PCDHGA4: variants seen among roughly 807,000 people sequenced by gnomAD.
PCDHGA4 encodes the protein protocadherin gamma subfamily A, 4.
In PCDHGA4, 38 loss-of-function variants were observed where a neutral mutation model predicts 54.6. The observed-to-expected ratio is 0.70, with a 90% CI of 0.54 to 0.91. The LOEUF (loss-of-function observed/expected upper bound fraction) is 0.91, where lower values mean the gene tolerates loss of function less well. PCDHGA4 is among the 40% of genes least tolerant of loss of function. PCDHGA4 has a pLI of 0.00. For missense variants in PCDHGA4, 1,298 were observed against 1,220.9 expected (o/e 1.06, Z -0.94); for synonymous variants, 511 against 512.9 (o/e 1.00, Z 0.05).
intron 1 of PCDHGA4, among the ~76,000 whole-genome samples, chr5:141,465,031 C>T (rs933448980): frequency 1.3e-5 from 2 of 151,958 alleles, no homozygotes; most frequent in Non-Finnish European, 1.5e-5. Context: ...CATGAACCAC[C>T]ACAAATGACC....
chr5:141,475,106 G>T (rs1182368610), intron 1 of PCDHGA4, among the ~76,000 whole-genome samples: 6 of 152,220 alleles, frequency 3.9e-5, no homozygotes, highest in Admixed American at 2.0e-4. Context: ...ATCCTAGGTG[G>T]TAAATAGGCC....
chr5:141,504,158 T>G (rs890874880), intron 2 of PCDHGA4, among the ~76,000 whole-genome samples: 1 of 152,222 alleles, frequency 6.6e-6, no homozygotes, highest in Non-Finnish European at 1.5e-5. Context: ...TGAAATAATT[T>G]CATCCTTGGA....
At chr5:141,410,063 C>CTGCGCACTGGGGAGG (rs2095353294) in intron 1 of PCDHGA4, 2 of 1,612,972 alleles carry the variant, frequency 1.2e-6, no homozygotes, top group Non-Finnish European at 1.7e-6. Context: ...CAGCCTGGGG[C>CTGCGCACTGGGGAGG]TGCGCACTGG....
Position 141,486,814 on chromosome 5 carries a change from C to T in PCDHGA4, c.2515-7993C>T, listed in dbSNP as rs1048351154. On this transcript the variant is annotated intron_variant, in intron 1 of 3. Transcript: ENST00000571252. The surrounding 1 kb of genome is among the most constrained non-coding windows in gnomAD (Gnocchi z 5.0). ...ATCGGGGCAACCCACCCCTTAGCAG[C>T]ACTGTAACAGTTCGTCTATTTGTGC... 1.2e-6 allele frequency: 2 copies of T among 1,614,122 alleles called. No individual in the cohort carries two copies. Among genetic ancestry groups the T allele is most frequent in the Non-Finnish European group, 1.7e-6 (2 of 1,180,052 alleles).
In PCDHGA4 at chr5:141,357,298, G is replaced by A. The variant is rs767893393; in HGVS notation, c.2191G>A (p.Val731Ile). The change falls in exon 1 of 4, where the codon GTC becomes ATC. Residue 731 changes from valine to isoleucine, a missense_variant. Transcript: ENST00000571252. ...CTATCTCGTGGTGGCAGTGGCCGCT[G>A]TCTCCTGCGTCTTCCTGGCTTTTGT... ...TLYLVVAVAAVSCVFLAFVTV... is the reference protein window; with the variant it reads ...TLYLVVAVAAISCVFLAFVTV... 1 of 1,613,908 alleles carries A rather than the reference G, an allele frequency of 6.2e-7. No homozygotes were observed. The highest frequency in any genetic ancestry group is 8.5e-7 in the Non-Finnish European group (1 of 1,179,898).
At chr5:141,403,743 C>A (rs1165597254) in intron 1 of PCDHGA4, 1 of 1,613,856 alleles carries the variant, frequency 6.2e-7, no homozygotes, top group Non-Finnish European at 8.5e-7. Context: ...CTGCTTACTG[C>A]AACAGCCAGC....
intron 1 of PCDHGA4, chr5:141,409,951 G>T: frequency 6.2e-7 from 1 of 1,613,374 alleles, no homozygotes; most frequent in Non-Finnish European, 8.5e-7. Context: ...GCTCTGCAGA[G>T]CCCGGCTACC....
In PCDHGA4 at chr5:141,414,961, G is replaced by A. The variant is rs1357376957; in HGVS notation, c.2514+57340G>A. Reference sequence around the variant, plus strand: ...GCCCGGCTACCTGGTGACCAAGGTGGTGGCGGTGGACAGAGACTCCGGCCA... The same window carrying A: ...GCCCGGCTACCTGGTGACCAAGGTGATGGCGGTGGACAGAGACTCCGGCCA... On this transcript the variant is annotated intron_variant, in intron 1 of 3. Transcript: ENST00000571252. 2.5e-6 allele frequency: 4 copies of A among 1,614,028 alleles called. No individual in the cohort carries two copies. In the Admixed American group the frequency reaches 6.7e-5, roughly 27 times the overall value.
chr5:141,472,307 C>T (rs949288194), intron 1 of PCDHGA4, among the ~76,000 whole-genome samples: 2 of 150,368 alleles, frequency 1.3e-5, no homozygotes, highest in Admixed American at 6.6e-5. Flanking sequence ...TTTGGGAAGC[C>T]GAGGCAGGCA....
chr5:141,401,158 A>AT (rs1314149261), intron 1 of PCDHGA4, among the ~76,000 whole-genome samples: 1 of 152,194 alleles, frequency 6.6e-6, no homozygotes, highest in Non-Finnish European at 1.5e-5. Context: ...CCTGGGCAAT[A>AT]TGGTGAAAAC....
chr5:141,484,907 C>T, intron 1 of PCDHGA4: 1 of 409,994 alleles, frequency 2.4e-6, no homozygotes, highest in Non-Finnish European at 4.3e-6. Context: ...AATGCTGCGA[C>T]GCATTAACCC....
rs1310685846 is a variant in PCDHGA4, at chr5:141,423,037, T to C, written c.2514+65416T>C. ...GGACAAAGATTCAGGCCAGAACGCCTGGCTGTCCTATCGCCTGCTTAAGGC... is the reference window on the plus strand; with the variant it reads ...GGACAAAGATTCAGGCCAGAACGCCCGGCTGTCCTATCGCCTGCTTAAGGC... On this transcript the variant is annotated intron_variant, in intron 1 of 3. Transcript: ENST00000571252. 5 of 1,614,086 alleles carry C rather than the reference T, an allele frequency of 3.1e-6. No homozygotes were observed. In the African/African-American group the frequency reaches 5.3e-5, roughly 17 times the overall value.
intron 1 of PCDHGA4, among the ~76,000 whole-genome samples, chr5:141,471,163 G>GC (rs202115056): frequency 0.11 from 16,237 of 150,562 alleles, 892 homozygotes; most frequent in South Asian, 0.15. Context: ...GATTCTCCTG[G>GC]CTCAGCCTCC....
intron 2 of PCDHGA4, among the ~76,000 whole-genome samples, chr5:141,503,963 C>T (rs900066192): frequency 7.2e-5 from 11 of 152,188 alleles, no homozygotes; most frequent in Admixed American, 6.5e-4. Flanking sequence ...ACAGCCTTTC[C>T]CATGGTGCCA....
At chr5:141,411,982 A>T (rs2154543855) in intron 1 of PCDHGA4, 1 of 152,346 alleles carries the variant, frequency 6.6e-6, no homozygotes, top group East Asian at 1.9e-4. Context: ...AGAGTTCTAT[A>T]CTTGGAAGGC....
intron 1 of PCDHGA4, chr5:141,433,104 A>G: frequency 6.2e-7 from 1 of 1,614,214 alleles, no homozygotes; most frequent in Non-Finnish European, 8.5e-7. Flanking sequence ...CTCGTCAGCC[A>G]GGAGAGCTTT....
intron 1 of PCDHGA4, chr5:141,388,748 C>T: frequency 6.2e-7 from 1 of 1,613,928 alleles, no homozygotes; most frequent in Non-Finnish European, 8.5e-7. Flanking sequence ...GCCAGATCAC[C>T]CAATTTGACC....
Position 141,397,950 on chromosome 5 carries a change from G to T in PCDHGA4, c.2514+40329G>T, listed in dbSNP as rs142142786. 7.7e-4 allele frequency: 722 copies of T among 938,408 alleles called. 6 individuals carry two copies. The African/African-American group carries it at 0.01, about 13-fold the overall frequency. 58.1% of individuals were successfully genotyped at this position (938,408 alleles called of 1,614,324 possible). A position where few individuals can be genotyped will look rare whatever the true frequency, so the allele number is the denominator to read the frequency against. On this transcript the variant is annotated intron_variant, in intron 1 of 3. Transcript: ENST00000571252. ...CAGCCGCAGCGCGCTTTCCAGGGCA[G>T]CCCCAGCTCAGACTCCCCAGCGCCG... is the stretch of plus-strand genomic sequence containing the variant.
chr5:141,441,656 C>A, intron 1 of PCDHGA4: 1 of 247,684 alleles, frequency 4.0e-6, no homozygotes, highest in Non-Finnish European at 8.1e-6. Flanking sequence ...TCTAGGTGTC[C>A]TTGAGCGCAC....
Sources: gnomAD v4.1 joint callset for allele counts (sites outside exome capture counted in the v4.1 genomes callset) on GRCh38, gnomAD v4.1.1 for gene constraint, Gnocchi (gnomAD v3.1) non-coding constraint, MANE v1.5 for transcripts, NCBI Gene and HGNC (gene_info 2026-07-23, HGNC 2026-07-21) for gene names.